Variants in CAST observed in about 807,000 individuals in gnomAD.
CAST encodes calpastatin.
In CAST, 76 loss-of-function variants were observed where a neutral mutation model predicts 119.6. The observed-to-expected ratio is 0.64, with a 90% CI of 0.53 to 0.77. The LOEUF (loss-of-function observed/expected upper bound fraction) is 0.77, where lower values mean the gene tolerates loss of function less well. Ranked by LOEUF, CAST falls within the 30% of genes least tolerant of loss-of-function variation. The pLI is 0.00. For missense variants in CAST, 953 were observed against 946.5 expected (o/e 1.01, Z -0.09); for synonymous variants, 319 against 331.6 (o/e 0.96, Z 0.41).
At chr5:96,243,852 C>T in the CAST span, among the ~76,000 whole-genome samples, 63 of 152,262 alleles carry the variant, frequency 4.1e-4, 1 homozygote, top group South Asian at 0.01. Flanking sequence ...TGAGGTACCC[C>T]TTCCCAAATG....
the CAST span, among the ~76,000 whole-genome samples, chr5:96,226,831 C>T: frequency 6.6e-6 from 1 of 152,288 alleles, no homozygotes; most frequent in Non-Finnish European, 1.5e-5. Flanking sequence ...CCTGTCATGA[C>T]ATTTTTAGAA....
chr5:96,587,871 G>C (rs1746886302), intron 1 of CAST, among the ~76,000 whole-genome samples: 1 of 152,158 alleles, frequency 6.6e-6, no homozygotes, highest in Admixed American at 6.5e-5. Context: ...CTGTTTCAGA[G>C]AGCTTCTATT....
intron 1 of CAST, among the ~76,000 whole-genome samples, chr5:96,581,151 G>A (rs181561660): frequency 2.2e-4 from 33 of 152,348 alleles, no homozygotes; most frequent in African/African-American, 7.7e-4. Context: ...AACAGTAACA[G>A]TAGAAAGGTC....
chr5:96,074,160 A>G, the CAST span, among the ~76,000 whole-genome samples: 3 of 151,460 alleles, frequency 2.0e-5, no homozygotes, highest in Non-Finnish European at 4.4e-5. Context: ...GCTTCCCTGA[A>G]CTACCCTATT....
intron 25 of CAST, chr5:96,763,347 T>G: frequency 1.3e-6 from 1 of 744,698 alleles, no homozygotes; most frequent in South Asian, 1.4e-5. Flanking sequence ...ATGCCCCGTG[T>G]GTGTGTATGT....
the CAST span, among the ~76,000 whole-genome samples, chr5:96,342,338 T>A: frequency 5.3e-5 from 8 of 152,316 alleles, no homozygotes; most frequent in East Asian, 1.5e-3. Context: ...TTCCCCAACT[T>A]TTAGCACATA....
At chr5:96,616,753 T>TATATATAC (rs1167637550) in intron 1 of CAST, among the ~76,000 whole-genome samples, 7 of 130,738 alleles carry the variant, frequency 5.4e-5, no homozygotes, top group Non-Finnish European at 1.2e-4. Flanking sequence ...TCTATATATA[T>TATATATAC]ACACACACAC....
chr5:96,108,785 A>C, the CAST span, among the ~76,000 whole-genome samples: 3 of 152,172 alleles, frequency 2.0e-5, no homozygotes, highest in African/African-American at 7.2e-5. Flanking sequence ...TTGTTTACCT[A>C]AGCAAGCCTG....
the CAST span, among the ~76,000 whole-genome samples, chr5:96,178,318 T>C: frequency 3.9e-5 from 6 of 152,210 alleles, no homozygotes; most frequent in East Asian, 1.2e-3. Flanking sequence ...TTCTGAGGTC[T>C]TTAACTCTGT....
At chr5:95,985,028 A>G in the CAST span, among the ~76,000 whole-genome samples, 1 of 152,218 alleles carries the variant, frequency 6.6e-6, no homozygotes, top group African/African-American at 2.4e-5. Flanking sequence ...TATATGGCTG[A>G]AGGCCAGACA....
chr5:96,179,616 G>T, the CAST span, among the ~76,000 whole-genome samples: 3 of 152,230 alleles, frequency 2.0e-5, no homozygotes, highest in Non-Finnish European at 4.4e-5. Context: ...AGAGAAGGCG[G>T]AGTTGTGCTG....
the CAST span, among the ~76,000 whole-genome samples, chr5:96,182,551 G>A: frequency 2.6e-5 from 4 of 152,172 alleles, no homozygotes; most frequent in African/African-American, 9.7e-5. Context: ...GTAGGTAAAA[G>A]TTTGTATCCA....
At chr5:96,163,098 T>C in the CAST span, among the ~76,000 whole-genome samples, 1 of 152,208 alleles carries the variant, frequency 6.6e-6, no homozygotes, top group Non-Finnish European at 1.5e-5. Flanking sequence ...GATTTTCTGC[T>C]TCTTGAGCCA....
intron 2 of CAST, among the ~76,000 whole-genome samples, chr5:96,695,105 TACTA>T (rs1249119074): frequency 2.6e-5 from 4 of 152,214 alleles, no homozygotes; most frequent in East Asian, 1.9e-4. Context: ...TCCTGCCTTT[TACTA>T]ACTGTCACCA....
intron 1 of CAST, among the ~76,000 whole-genome samples, chr5:96,542,632 A>T: frequency 1.3e-5 from 2 of 151,776 alleles, no homozygotes; most frequent in East Asian, 3.9e-4. Context: ...GCCCATTTAA[A>T]CTTTTGTTCT....
chr5:96,734,394 T>C (rs1411179644), intron 9 of CAST, among the ~76,000 whole-genome samples: 1 of 152,030 alleles, frequency 6.6e-6, no homozygotes. Flanking sequence ...GGGATAGAGA[T>C]AGGAAGGTAG....
At chr5:96,770,143 C>T (rs1035440082) in intron 29 of CAST, 1 of 186,940 alleles carries the variant, frequency 5.3e-6, no homozygotes, top group African/African-American at 2.3e-5. Context: ...AACCTATATA[C>T]TGTTTTCCAT....
chr5:96,622,727 T>G (rs1331852848), intron 1 of CAST, among the ~76,000 whole-genome samples: 1 of 152,212 alleles, frequency 6.6e-6, no homozygotes, highest in African/African-American at 2.4e-5. Context: ...AAAAACTTTA[T>G]GTAGTCTTTT....
chr5:96,018,896 C>T, the CAST span, among the ~76,000 whole-genome samples: 8 of 152,142 alleles, frequency 5.3e-5, no homozygotes, highest in African/African-American at 1.9e-4. Context: ...TCAAGTTTTC[C>T]ATCTACAAGA....
Sources: gnomAD v4.1 joint callset for allele counts (sites outside exome capture counted in the v4.1 genomes callset) on GRCh38, gnomAD v4.1.1 for gene constraint, MANE v1.5 for transcripts, NCBI Gene and HGNC (gene_info 2026-07-23, HGNC 2026-07-21) for gene names.